The following SUGCT variants were observed in gnomAD, a reference collection of about 807,000 sequenced individuals.
The protein encoded by SUGCT is succinyl-CoA:glutarate-CoA transferase, also known as succinyl-CoA:glutarate CoA-transferase.
SUGCT carries 41 observed loss-of-function variants against 55.0 expected under a neutral mutation model. That is an observed-to-expected ratio of 0.74 (90% confidence interval 0.58 to 0.97). The LOEUF (loss-of-function observed/expected upper bound fraction) is 0.97, where lower values mean the gene tolerates loss of function less well. Among genes scored for constraint, SUGCT ranks in the 50% least tolerant of loss-of-function variants. The probability of loss-of-function intolerance (pLI) is 0.00; values close to 1 mark genes in which losing one functional copy is unlikely to be tolerated. For missense variants in SUGCT, 568 were observed against 547.8 expected, an observed-to-expected ratio of 1.04 and a Z score of -0.37; for synonymous variants, 187 against 200.4, an observed-to-expected ratio of 0.93 and a Z score of 0.56.
At chr7:40,832,426 A>G (rs1193237673) in intron 13 of SUGCT, among the ~76,000 whole-genome samples, 1 of 152,160 alleles carries the variant, frequency 6.6e-6, no homozygotes, top group African/African-American at 2.4e-5. Flanking sequence ...ATTACGTAAT[A>G]GGACACATGT....
intron 1 of SUGCT, among the ~76,000 whole-genome samples, chr7:40,162,210 A>G (rs1047848418): frequency 7.2e-5 from 11 of 152,128 alleles, no homozygotes; most frequent in African/African-American, 2.4e-4. Context: ...AGTGATTTTC[A>G]AATCCTAAAT....
At chr7:40,547,047 A>G (rs1795028541) in intron 12 of SUGCT, 1 of 152,158 alleles carries the variant, frequency 6.6e-6, no homozygotes, top group Admixed American at 6.5e-5. Context: ...GAACCCTGAC[A>G]ACTACAGAAG....
intron 12 of SUGCT, among the ~76,000 whole-genome samples, chr7:40,709,948 C>T (rs1160021756): frequency 1.3e-5 from 2 of 152,190 alleles, no homozygotes; most frequent in Non-Finnish European, 2.9e-5. Context: ...TCAAGAACCA[C>T]TGGTTATAGC....
chr7:40,135,908 C>T (rs1787662455), intron 1 of SUGCT, among the ~76,000 whole-genome samples: 1 of 152,040 alleles, frequency 6.6e-6, no homozygotes, highest in Admixed American at 6.5e-5. Flanking sequence ...CCTCCCGCCT[C>T]GGCCTCCCAA....
the SUGCT span, among the ~76,000 whole-genome samples, chr7:41,003,103 T>C: frequency 2.0e-5 from 3 of 152,216 alleles, no homozygotes; most frequent in Non-Finnish European, 4.4e-5. Flanking sequence ...ATTCTGAGCT[T>C]AGCACCTGGA....
intron 13 of SUGCT, among the ~76,000 whole-genome samples, chr7:40,823,467 C>A (rs1792134915): frequency 6.6e-6 from 1 of 151,992 alleles, no homozygotes; most frequent in Non-Finnish European, 1.5e-5. Flanking sequence ...CAAAACCTAA[C>A]ACTGGAGAAT....
chr7:40,279,045 C>T (rs961950806), intron 8 of SUGCT, among the ~76,000 whole-genome samples: 2 of 150,372 alleles, frequency 1.3e-5, no homozygotes, highest in East Asian at 2.0e-4. Context: ...CTGTGTTGTC[C>T]AGGCTAGTCT....
At chr7:40,221,038 C>T (rs1444316143) in intron 6 of SUGCT, among the ~76,000 whole-genome samples, 12 of 152,092 alleles carry the variant, frequency 7.9e-5, no homozygotes, top group East Asian at 1.9e-4. Context: ...GGTTAGATCC[C>T]GTCTAATTTG....
intron 1 of SUGCT, among the ~76,000 whole-genome samples, chr7:40,149,308 T>TC (rs1017299566): frequency 2.0e-5 from 3 of 152,206 alleles, no homozygotes; most frequent in African/African-American, 7.2e-5. Flanking sequence ...ACTGACTCCA[T>TC]CTTGCTTCTA....
At chr7:40,444,187 G>T (rs1788680725) in intron 9 of SUGCT, among the ~76,000 whole-genome samples, 1 of 152,142 alleles carries the variant, frequency 6.6e-6, no homozygotes, top group South Asian at 2.1e-4. Context: ...TTTGGCTTAG[G>T]ATTATCTTGG....
chr7:40,259,069 A>G (rs1791039393), intron 7 of SUGCT, among the ~76,000 whole-genome samples: 1 of 152,236 alleles, frequency 6.6e-6, no homozygotes, highest in Admixed American at 6.5e-5. Flanking sequence ...GGCACAGAAG[A>G]TGAACACCAC....
At chr7:40,427,707 G>A (rs1166514155) in intron 9 of SUGCT, among the ~76,000 whole-genome samples, 1 of 152,120 alleles carries the variant, frequency 6.6e-6, no homozygotes. Flanking sequence ...GGGCTCACTG[G>A]GAGGAATTCC....
intron 12 of SUGCT, among the ~76,000 whole-genome samples, chr7:40,651,037 A>G (rs1400368757): frequency 6.6e-6 from 1 of 152,148 alleles, no homozygotes; most frequent in Admixed American, 6.6e-5. Context: ...ATGTCCCTGC[A>G]AAAGGACATG....
At chr7:40,379,158 G>A (rs113068453) in intron 9 of SUGCT, among the ~76,000 whole-genome samples, 7 of 152,304 alleles carry the variant, frequency 4.6e-5, no homozygotes, top group African/African-American at 1.7e-4. Flanking sequence ...GGTAGAAAGA[G>A]CAAGGAACTG....
the SUGCT span, among the ~76,000 whole-genome samples, chr7:40,868,082 G>T: frequency 6.6e-6 from 1 of 152,078 alleles, no homozygotes; most frequent in Non-Finnish European, 1.5e-5. Flanking sequence ...AGCCTTCAAG[G>T]ATAGTCACCA....
At chr7:40,786,343 T>C (rs576425169) in intron 13 of SUGCT, among the ~76,000 whole-genome samples, 19 of 152,308 alleles carry the variant, frequency 1.2e-4, no homozygotes, top group African/African-American at 4.6e-4. Context: ...ATAAGATATG[T>C]GTTATAGGAT....
chr7:40,893,174 T>C, the SUGCT span, among the ~76,000 whole-genome samples: 1 of 152,098 alleles, frequency 6.6e-6, no homozygotes, highest in African/African-American at 2.4e-5. Flanking sequence ...TCCCTAAATA[T>C]ATAAAGCTAA....
chr7:40,981,294 A>G, the SUGCT span, among the ~76,000 whole-genome samples: 3 of 152,150 alleles, frequency 2.0e-5, no homozygotes, highest in Non-Finnish European at 4.4e-5. Context: ...AGATAGTTTC[A>G]TGATTCCATC....
chr7:40,439,062 GTGTATATATATATATATATATATATATA>G lies in SUGCT; in HGVS notation c.817-10223_817-10196del, dbSNP rs1333695084. The stretch of plus-strand genomic sequence containing the variant: ...TATATATATATATGGTATATATATG[GTGTATATATATATATATATATATATATA>G]TATATATATATATATATATATGGAT... On this transcript the variant is annotated intron_variant, in intron 9 of 13. Coordinates refer to ENST00000335693, the MANE Select transcript of SUGCT (RefSeq NM_001193313.2). Among the ~76,000 whole-genome samples, 159 of 47,034 alleles carry G rather than the reference GTGTATATATATATATATATATATATATA, an allele frequency of 3.4e-3. 9 individuals are homozygous for G. The highest frequency in any genetic ancestry group is 0.013 in the East Asian group (14 of 1,096). 30.9% of individuals were successfully genotyped at this position (47,034 alleles called of 152,430 possible).
Sources: allele counts gnomAD v4.1 joint callset (sites outside exome capture counted in the v4.1 genomes callset), GRCh38; gene constraint gnomAD v4.1.1; transcripts MANE v1.5; gene names NCBI Gene and HGNC (gene_info 2026-07-23, HGNC 2026-07-21).